FGGY: variants seen among roughly 807,000 people sequenced by gnomAD.
FGGY encodes the protein FGGY carbohydrate kinase domain containing, also known as FGGY carbohydrate kinase domain-containing protein.
A neutral mutation model predicts 71.3 loss-of-function variants in FGGY; 72 were observed. The observed-to-expected ratio is 1.01, with a 90% CI of 0.84 to 1.23. FGGY has a LOEUF of 1.23. Among genes scored for constraint, FGGY ranks in the 50% most tolerant of loss-of-function variants. The pLI, the probability that FGGY is intolerant of heterozygous loss-of-function variation, is 0.00. For missense variants in FGGY, 668 were observed against 682.3 expected (o/e 0.98, Z 0.23); for synonymous variants, 251 against 250.3 (o/e 1.00, Z -0.02).
Position 59,433,038 on chromosome 1 carries a change from C to A in FGGY, c.555-23923C>A, listed in dbSNP as rs77518251. Among the ~76,000 whole-genome samples the A allele has an allele frequency of 2.6e-5, 4 of 152,214 alleles. No homozygotes were observed. The East Asian group carries it at 5.8e-4, about 22-fold the overall frequency. On this transcript the variant is annotated intron_variant, in intron 5 of 15. Coordinates refer to ENST00000303721, the MANE Select transcript of FGGY (RefSeq NM_018291.5). ...TGAGGAAAAGGACATATCCAACTGA[C>A]CTTTGTATCTGTAGAGCCTAGCTCC...
At chr1:59,431,314 T>A (rs1197177922) in intron 5 of FGGY, among the ~76,000 whole-genome samples, 1 of 152,206 alleles carries the variant, frequency 6.6e-6, no homozygotes, top group Non-Finnish European at 1.5e-5. Flanking sequence ...AGGTCCAATG[T>A]GATCCAGCTG....
intron 8 of FGGY, among the ~76,000 whole-genome samples, chr1:59,577,239 A>G (rs1192437191): frequency 1.3e-5 from 2 of 152,208 alleles, no homozygotes; most frequent in Non-Finnish European, 2.9e-5. Flanking sequence ...GCCCCTAAAG[A>G]TTCTGAACTT....
At chr1:59,321,840 A>T in intron 2 of FGGY, 90 bp downstream of exon 2, 1 of 1,345,442 alleles carries the variant, frequency 7.4e-7, no homozygotes, top group Non-Finnish European at 1.0e-6. Context: ...ATGTTGGGGT[A>T]ACTTTAGATG....
intron 9 of FGGY, among the ~76,000 whole-genome samples, chr1:59,610,673 G>A (rs1458740528): frequency 6.6e-6 from 1 of 152,238 alleles, no homozygotes; most frequent in Non-Finnish European, 1.5e-5. Flanking sequence ...GTGCAGGACA[G>A]TGGGTGCAGC....
intron 8 of FGGY, among the ~76,000 whole-genome samples, chr1:59,587,138 T>C (rs1277827283): frequency 6.6e-6 from 1 of 152,184 alleles, no homozygotes; most frequent in Non-Finnish European, 1.5e-5. Flanking sequence ...CACCAGGAGA[T>C]TATATCCCGC....
intron 7 of FGGY, among the ~76,000 whole-genome samples, chr1:59,534,600 A>G (rs1478928627): frequency 6.6e-6 from 1 of 152,224 alleles, no homozygotes; most frequent in Non-Finnish European, 1.5e-5. Context: ...GGTTATCCTC[A>G]AAGGGAAGCC....
At chr1:59,733,451 GTTTTGTTTTGTTT>G (rs988159341) in intron 14 of FGGY, among the ~76,000 whole-genome samples, 10 of 118,436 alleles carry the variant, frequency 8.4e-5, no homozygotes, top group African/African-American at 2.8e-4. Context: ...GTTTTGTTTT[GTTTTGTTTTGTTT>G]TTTTGTTTTG....
At position 59,650,303 on chromosome 1, in the gene FGGY, T is replaced by C. The variant is rs967846962; in HGVS notation, c.1222-9916T>C. On this transcript the variant is annotated intron_variant, in intron 11 of 15. Coordinates refer to ENST00000303721, the MANE Select transcript of FGGY (RefSeq NM_018291.5). ...GGAGGATTCCGTCTTTTCTATTGAT[T>C]GGAATAGTTTCAGAAGGAATGGCAC... is the stretch of plus-strand genomic sequence containing the variant. 1.4e-5 allele frequency among the ~76,000 whole-genome samples: 2 copies of C among 141,208 alleles called. 1 individual carries two copies. Among genetic ancestry groups the C allele is most frequent in the African/African-American group, 6.1e-5 (2 of 32,942 alleles). The allele number at this position is 141,208 out of a possible 152,430, so 92.6% of individuals were successfully genotyped here. A position where few individuals can be genotyped will look rare whatever the true frequency, so the allele number is the denominator to read the frequency against.
chr1:59,305,741 T>C (rs554739569), intron 1 of FGGY, among the ~76,000 whole-genome samples: 2 of 152,384 alleles, frequency 1.3e-5, no homozygotes, highest in East Asian at 1.9e-4. Context: ...CCTGGCCTTA[T>C]GTGAAGCCCA....
intron 9 of FGGY, among the ~76,000 whole-genome samples, chr1:59,621,720 T>G (rs2096809655): frequency 6.6e-6 from 1 of 151,998 alleles, no homozygotes; most frequent in African/African-American, 2.4e-5. Flanking sequence ...CTTTATATAA[T>G]ATGTCATTTT....
At chr1:59,621,796 C>T (rs985787504) in intron 9 of FGGY, among the ~76,000 whole-genome samples, 4 of 151,776 alleles carry the variant, frequency 2.6e-5, no homozygotes, top group Non-Finnish European at 4.4e-5. Flanking sequence ...GCGTGGTCTT[C>T]TTTGGATTCA....
intron 7 of FGGY, among the ~76,000 whole-genome samples, chr1:59,548,141 G>A (rs1219089761): frequency 2.6e-5 from 4 of 152,186 alleles, no homozygotes; most frequent in Admixed American, 2.6e-4. Flanking sequence ...GGGGAGATGT[G>A]ATCAGGAAAG....
At chr1:59,373,475 T>C (rs200295186) in intron 4 of FGGY, among the ~76,000 whole-genome samples, 2,613 of 152,186 alleles carry the variant, frequency 0.017, 37 homozygotes, top group South Asian at 0.043. Flanking sequence ...AAAATGGCCA[T>C]ACTGCCCAAG....
rs745624811 is a variant in FGGY, at chr1:59,626,002, A to G, written c.1026A>G (p.Val342=). ...TTATTTTTCAGATAGACCACATGGT[A>G]CAAGGCCATGCTGCTTTTCCAGAAC... ...SVTGKLIDHM[V]QGHAAFPELQ... The change falls in exon 10 of 16, where the codon GTA becomes GTG. Residue 342 remains valine (V), a synonymous_variant. Transcript: ENST00000303721. 6 of 1,613,506 alleles carry G rather than the reference A, an allele frequency of 3.7e-6. No individual in the cohort carries two copies. Among genetic ancestry groups the G allele is most frequent in the South Asian group, 1.1e-5 (1 of 90,908 alleles).
At chr1:59,570,705 G>A (rs971480251) in intron 8 of FGGY, among the ~76,000 whole-genome samples, 1 of 152,128 alleles carries the variant, frequency 6.6e-6, no homozygotes, top group Admixed American at 6.6e-5. Flanking sequence ...ATCTTTCAAT[G>A]TAAATAGGAA....
chr1:59,391,414 G>T (rs2060676295), intron 5 of FGGY, among the ~76,000 whole-genome samples: 1 of 152,186 alleles, frequency 6.6e-6, no homozygotes, highest in South Asian at 2.1e-4. Flanking sequence ...ATGAGTTAAG[G>T]CACAGGTTCT....
At chr1:59,557,567 T>C (rs1027620646) in intron 8 of FGGY, among the ~76,000 whole-genome samples, 33 of 152,218 alleles carry the variant, frequency 2.2e-4, no homozygotes, top group African/African-American at 7.0e-4. Context: ...GATACAAGCA[T>C]GGGCTGCACA....
intron 6 of FGGY, among the ~76,000 whole-genome samples, chr1:59,507,684 A>ATTTTTTTTTT (rs561953004): frequency 0.018 from 1,904 of 106,572 alleles, 1 homozygote; most frequent in Non-Finnish European, 0.024. Context: ...TGCTTGGCTA[A>ATTTTTTTTTT]TTTTTTTTTT....
chr1:59,363,375 G>GT (rs1266857769), intron 4 of FGGY, among the ~76,000 whole-genome samples: 2 of 152,182 alleles, frequency 1.3e-5, no homozygotes, highest in Non-Finnish European at 2.9e-5. Flanking sequence ...ACAATCGTAG[G>GT]TAAAAAGTGC....
Sources: allele counts gnomAD v4.1 joint callset (sites outside exome capture counted in the v4.1 genomes callset), GRCh38; gene constraint gnomAD v4.1.1; transcripts MANE v1.5; gene names NCBI Gene and HGNC (gene_info 2026-07-23, HGNC 2026-07-21).